ZFHX3: variants seen among roughly 807,000 people sequenced by gnomAD.
ZFHX3 encodes zinc finger homeobox 3.
A neutral mutation model predicts 279.1 loss-of-function variants in ZFHX3; 42 were observed. The observed-to-expected ratio is 0.15, with a 90% CI of 0.12 to 0.19. ZFHX3 has a LOEUF of 0.19. ZFHX3 is among the 10% of genes least tolerant of loss of function. The pLI, the probability that ZFHX3 is intolerant of heterozygous loss-of-function variation, is 1.00. For missense variants in ZFHX3, 4,981 were observed against 4,754.0 expected (o/e 1.05, Z -1.40); for synonymous variants, 2,293 against 1,957.8 (o/e 1.17, Z -4.52).
At chr16:73,749,054 C>G (rs1051418939) in intron 1 of ZFHX3, among the ~76,000 whole-genome samples, 2 of 152,086 alleles carry the variant, frequency 1.3e-5, no homozygotes, top group African/African-American at 4.8e-5. Flanking sequence ...TCCCAAAGTG[C>G]TTGGATTACA....
intron 1 of ZFHX3, among the ~76,000 whole-genome samples, chr16:73,779,187 T>C (rs945757158): frequency 6.6e-6 from 1 of 152,108 alleles, no homozygotes; most frequent in Non-Finnish European, 1.5e-5. Context: ...CCAAAGTATA[T>C]CTTGGGAATT....
intron 3 of ZFHX3, among the ~76,000 whole-genome samples, chr16:72,947,755 C>T (rs1054528673): frequency 1.3e-5 from 2 of 152,124 alleles, no homozygotes; most frequent in Admixed American, 6.5e-5. Context: ...GTGAGAAGCC[C>T]GGTCAGCTCC....
chr16:73,106,540 G>A (rs1966307329), intron 7 of ZFHX3, among the ~76,000 whole-genome samples: 2 of 152,112 alleles, frequency 1.3e-5, no homozygotes, highest in African/African-American at 4.8e-5. Context: ...TTGTGCCCTT[G>A]GGCCTGGTCA....
chr16:73,741,034 T>C (rs1414042320), intron 1 of ZFHX3, among the ~76,000 whole-genome samples: 1 of 144,926 alleles, frequency 6.9e-6, no homozygotes, highest in Non-Finnish European at 1.5e-5. Context: ...GGGCCTTTTT[T>C]TTTTTTTTTT....
intron 1 of ZFHX3, among the ~76,000 whole-genome samples, chr16:73,690,622 T>G (rs2053139065): frequency 6.6e-6 from 1 of 152,242 alleles, no homozygotes; most frequent in Non-Finnish European, 1.5e-5. Context: ...ACCCCTTGAA[T>G]CTGGGCATGA....
intron 3 of ZFHX3, among the ~76,000 whole-genome samples, chr16:73,340,430 T>C (rs1312767189): frequency 1.3e-5 from 2 of 152,248 alleles, no homozygotes; most frequent in African/African-American, 4.8e-5. Flanking sequence ...ACGATGATCA[T>C]GGCTCACCGC....
intron 2 of ZFHX3, among the ~76,000 whole-genome samples, chr16:73,520,981 C>A (rs146641551): frequency 6.6e-6 from 1 of 152,174 alleles, no homozygotes; most frequent in African/African-American, 2.4e-5. Context: ...TCACAAAACA[C>A]GGTGTACAAA....
chr16:73,111,221 G>A (rs919163065), intron 7 of ZFHX3, among the ~76,000 whole-genome samples: 8 of 152,314 alleles, frequency 5.3e-5, no homozygotes, highest in Non-Finnish European at 8.8e-5. Context: ...GATTACAGGC[G>A]TGAGCCACTG....
At chr16:73,881,714 T>G (rs1340805199) in intron 1 of ZFHX3, among the ~76,000 whole-genome samples, 2 of 151,924 alleles carry the variant, frequency 1.3e-5, no homozygotes, top group African/African-American at 2.4e-5. Context: ...ATATACATTT[T>G]AGATGGAGAT....
chr16:73,317,794 G>GA (rs1450012891), intron 4 of ZFHX3, among the ~76,000 whole-genome samples: 2 of 152,192 alleles, frequency 1.3e-5, no homozygotes, highest in African/African-American at 4.8e-5. Flanking sequence ...AAATGAGAGG[G>GA]ATAATAAAGC....
intron 5 of ZFHX3, among the ~76,000 whole-genome samples, chr16:73,231,108 G>A (rs1331683955): frequency 1.3e-5 from 2 of 152,136 alleles, no homozygotes; most frequent in Non-Finnish European, 2.9e-5. Context: ...CTGGGAGCGG[G>A]GACCACCATC....
At chr16:73,816,932 G>A (rs1056375266) in intron 1 of ZFHX3, among the ~76,000 whole-genome samples, 2 of 152,156 alleles carry the variant, frequency 1.3e-5, no homozygotes, top group African/African-American at 4.8e-5. Context: ...ATCCAATGAG[G>A]TTGCAGTTTT....
intron 5 of ZFHX3, among the ~76,000 whole-genome samples, chr16:73,248,714 C>G (rs1157503361): frequency 1.3e-5 from 2 of 151,834 alleles, no homozygotes; most frequent in African/African-American, 4.8e-5. Flanking sequence ...CTGGATGTCT[C>G]CCCTATGTGC....
At chr16:73,688,684 C>T (rs1445855472) in intron 1 of ZFHX3, among the ~76,000 whole-genome samples, 1 of 152,100 alleles carries the variant, frequency 6.6e-6, no homozygotes, top group African/African-American at 2.4e-5. Context: ...TTCATAGCAG[C>T]CCTGATATGG....
At chr16:73,150,991 G>A (rs1966927007) in intron 5 of ZFHX3, among the ~76,000 whole-genome samples, 1 of 152,086 alleles carries the variant, frequency 6.6e-6, no homozygotes, top group African/African-American at 2.4e-5. Flanking sequence ...CACAGAATGG[G>A]CAATATTATT....
chr16:73,572,168 T>TAAA (rs36024411), intron 2 of ZFHX3, among the ~76,000 whole-genome samples: 35 of 140,242 alleles, frequency 2.5e-4, no homozygotes, highest in East Asian at 1.9e-3. Flanking sequence ...TAAATATTCT[T>TAAA]AAAAAAAAAA....
intron 3 of ZFHX3, among the ~76,000 whole-genome samples, chr16:72,894,741 A>G (rs75182947): frequency 0.013 from 2,029 of 152,314 alleles, 14 homozygotes; most frequent in Non-Finnish European, 0.022. Flanking sequence ...CACAAATCCC[A>G]GTGGTGCACT....
At chr16:73,865,221 T>C (rs117046888) in intron 1 of ZFHX3, among the ~76,000 whole-genome samples, 4,261 of 152,258 alleles carry the variant, frequency 0.028, 82 homozygotes, top group Non-Finnish European at 0.043. Flanking sequence ...AACTTTATGA[T>C]TGTTGTTTGG....
At chr16:73,621,641 G>GA (rs2143904669) in intron 2 of ZFHX3, among the ~76,000 whole-genome samples, 1 of 152,234 alleles carries the variant, frequency 6.6e-6, no homozygotes, top group African/African-American at 2.4e-5. Context: ...ACACATCTCA[G>GA]AAAAACAGTT....
Sources: allele counts gnomAD v4.1 joint callset (sites outside exome capture counted in the v4.1 genomes callset), GRCh38; gene constraint gnomAD v4.1.1; transcripts MANE v1.5; gene names NCBI Gene and HGNC (gene_info 2026-07-23, HGNC 2026-07-21).